The following BSDC1 variants were observed in gnomAD, a reference collection of about 807,000 sequenced individuals.
The protein encoded by BSDC1 is BSD domain containing 1.
A neutral mutation model predicts 56.0 loss-of-function variants in BSDC1; 29 were observed. The observed-to-expected ratio is 0.52, with a 90% confidence interval of 0.39 to 0.71. The LOEUF (loss-of-function observed/expected upper bound fraction) is 0.71. Among genes scored for constraint, BSDC1 ranks in the 30% least tolerant of loss-of-function variants. The pLI, the probability that BSDC1 is intolerant of heterozygous loss-of-function variation, is 0.00. For missense variants in BSDC1, 477 were observed against 548.5 expected, an observed-to-expected ratio of 0.87 and a Z score of 1.30; for synonymous variants, 210 against 215.3, an observed-to-expected ratio of 0.98 and a Z score of 0.21.
At chr1:32,388,564 A>G (rs1642750253) in intron 2 of BSDC1, among the ~76,000 whole-genome samples, 1 of 152,060 alleles carries the variant, frequency 6.6e-6, no homozygotes, top group South Asian at 2.1e-4. Flanking sequence ...GTCAGGGCAG[A>G]CCGTGCTGCT....
At chr1:32,369,210 A>T (rs1367926997) in intron 9 of BSDC1, 1 of 1,251,326 alleles carries the variant, frequency 8.0e-7, no homozygotes. Context: ...CATCCATGCC[A>T]AACAGCCTTA....
rs1326369843 is a variant in BSDC1 at position 32,365,330 on chromosome 1, G to A, written c.*1292C>T. The A allele has an allele frequency of 6.6e-6, 1 of 151,710 alleles. No individual in the cohort carries two copies. The highest frequency in any genetic ancestry group is 1.5e-5 in the Non-Finnish European group (1 of 67,910). The allele number at this position is 151,710 out of a possible 1,614,324, so 9.4% of individuals were successfully genotyped here. On this transcript the variant is annotated 3_prime_UTR_variant, in exon 11 of 11. Coordinates refer to ENST00000455895, the MANE Select transcript of BSDC1 (RefSeq NM_018045.8). The stretch of plus-strand genomic sequence containing the variant: ...CAACCAAAAGGTTAATTAAACTAAA[G>A]AAATAATTACAAAGAGAAAAACCCC...
intron 1 of BSDC1, 83 bp downstream of exon 1, chr1:32,394,321 G>A (rs1342998902): frequency 1.2e-6 from 2 of 1,605,488 alleles, no homozygotes; most frequent in Non-Finnish European, 1.7e-6. Context: ...CTGATCTCAC[G>A]TTCCCCACCG....
rs763475366 is a variant in BSDC1, at chr1:32,378,856, G to C, written c.413-17C>G. ...CCGGGGGCCCTGCAGAGGGACAGAT[G>C]CTGACGGTCAGTTGCCTTGGTCTGG... On this transcript the variant is annotated splice_polypyrimidine_tract_variant and intron_variant, in intron 5 of 10. Coordinates refer to ENST00000455895, the MANE Select transcript of BSDC1 (RefSeq NM_018045.8). This position sits in a 1 kb window ranked among gnomAD's most constrained non-coding sequence, Gnocchi z 5.2. 4.1e-6 allele frequency: 6 copies of C among 1,457,606 alleles called. No individual in the cohort carries two copies. Among genetic ancestry groups the C allele is most frequent in the Middle Eastern group, 1.8e-4 (1 of 5,576 alleles). The allele number at this position is 1,457,606 out of a possible 1,614,324, so 90.3% of individuals were successfully genotyped here.
chr1:32,388,006 A>G (rs548889582), intron 2 of BSDC1, among the ~76,000 whole-genome samples: 1 of 152,274 alleles, frequency 6.6e-6, no homozygotes, highest in Non-Finnish European at 1.5e-5. Flanking sequence ...TCTGTTTCTC[A>G]GCCTGCACCC....
At chr1:32,383,425 T>C (rs929552160) in intron 4 of BSDC1, among the ~76,000 whole-genome samples, 1 of 150,992 alleles carries the variant, frequency 6.6e-6, no homozygotes, top group African/African-American at 2.4e-5. Context: ...CAGAGAGAGC[T>C]TGGGTGACAG....
intron 3 of BSDC1, chr1:32,386,307 A>C (rs1642666651): frequency 7.0e-6 from 1 of 143,526 alleles, no homozygotes. Flanking sequence ...CGACAGATGG[A>C]GACTCCAACT....
At chr1:32,379,769 T>G (rs1017103951) in intron 5 of BSDC1, among the ~76,000 whole-genome samples, 6 of 152,184 alleles carry the variant, frequency 3.9e-5, no homozygotes, top group Non-Finnish European at 8.8e-5. Context: ...GTGTCTTTTA[T>G]ATGTACACTG....
rs529438972 is a variant in BSDC1, at chr1:32,385,452, C to G, written c.189+1327G>C. Among the ~76,000 whole-genome samples, 20 of 152,312 alleles carry G rather than the reference C, an allele frequency of 1.3e-4. No homozygotes were observed. The South Asian group carries it at 3.9e-3, about 30-fold the overall frequency. On this transcript the variant is annotated intron_variant, in intron 3 of 10. Coordinates refer to ENST00000455895, the MANE Select transcript of BSDC1 (RefSeq NM_018045.8). ...ATTAGAAAACAACAAACAAGCCAGG[C>G]ACGGTGGCTCATGCCTGTAATCCCA...
Position 32,378,116 on chromosome 1 carries a change from C to T in BSDC1, c.598-68G>A. The T allele has an allele frequency of 6.3e-7, 1 of 1,598,968 alleles. No homozygotes were observed. Among genetic ancestry groups the T allele is most frequent in the Non-Finnish European group, 8.6e-7 (1 of 1,169,460 alleles). The stretch of plus-strand genomic sequence containing the variant: ...CTCTTCCTAGACCCTGGTCCTGATC[C>T]CACAACTCTTGGCACCCTGTATCCC... On this transcript the variant is annotated intron_variant, in intron 7 of 10. Coordinates refer to ENST00000455895, the MANE Select transcript of BSDC1 (RefSeq NM_018045.8). The surrounding 1 kb of genome is among the most constrained non-coding windows in gnomAD (Gnocchi z 5.2).
intron 4 of BSDC1, among the ~76,000 whole-genome samples, chr1:32,381,473 G>A (rs1642475956): frequency 6.6e-6 from 1 of 152,176 alleles, no homozygotes; most frequent in Non-Finnish European, 1.5e-5. Context: ...CCAGAAAAAT[G>A]GCCTTTCACC....
intron 2 of BSDC1, among the ~76,000 whole-genome samples, chr1:32,393,020 C>T (rs748725973): frequency 1.2e-4 from 18 of 152,194 alleles, no homozygotes; most frequent in Non-Finnish European, 2.5e-4. Context: ...GCTGAGACCG[C>T]ACCTGTGCAC....
At position 32,376,745 on chromosome 1, in the gene BSDC1, TAGAG is replaced by T. The variant is rs1642302899; in HGVS notation, c.677-8_677-5del. 1 of 1,363,270 alleles carries T rather than the reference TAGAG, an allele frequency of 7.3e-7. No individual in the cohort carries two copies. Among genetic ancestry groups the T allele is most frequent in the Non-Finnish European group, 9.5e-7 (1 of 1,047,398 alleles). The allele number at this position is 1,363,270 out of a possible 1,614,324, so 84.4% of individuals were successfully genotyped here. A position where few individuals can be genotyped will look rare whatever the true frequency, so the allele number is the denominator to read the frequency against. On this transcript the variant is annotated splice_polypyrimidine_tract_variant and splice_region_variant and intron_variant, in intron 8 of 10. Transcript: ENST00000455895. ...GGTGAAATGCCCATGAGCTCCTCTG[TAGAG>T]AGAGAAAGGGAGGGGCAAGAGGGAA... is the stretch of plus-strand genomic sequence containing the variant.
chr1:32,370,813 A>G (rs1642053458), intron 9 of BSDC1, among the ~76,000 whole-genome samples: 1 of 150,504 alleles, frequency 6.6e-6, no homozygotes, highest in Admixed American at 6.6e-5. Context: ...CAAAAAAAAA[A>G]AAAAAAAAAA....
At chr1:32,386,940 A>G in intron 2 of BSDC1, 45 bp from the exon 3 acceptor site, 1 of 1,478,240 alleles carries the variant, frequency 6.8e-7, no homozygotes, top group South Asian at 1.1e-5. Context: ...TGGCCCCACC[A>G]CCCCTTGTTC....
chr1:32,366,470 G>C lies in BSDC1; in HGVS notation c.*152C>G. The stretch of plus-strand genomic sequence containing the variant: ...TTCCCAGGTGTGAGCAGAGGCCCAA[G>C]AGGGCCAGCAGGGAGCCACCAGAAT... On this transcript the variant is annotated 3_prime_UTR_variant, in exon 11 of 11. Transcript: ENST00000455895. 6.3e-6 allele frequency: 5 copies of C among 788,708 alleles called. No homozygotes were observed. The highest frequency in any genetic ancestry group is 1.1e-5 in the Non-Finnish European group (5 of 452,704). The allele number at this position is 788,708 out of a possible 1,614,324, so 48.9% of individuals were successfully genotyped here.
chr1:32,367,916 C>A, intron 10 of BSDC1: 1 of 1,019,370 alleles, frequency 9.8e-7, no homozygotes, highest in Non-Finnish European at 1.2e-6. Flanking sequence ...GTAACTTGCC[C>A]TTGCCCTTGA....
At chr1:32,381,121 C>G in intron 5 of BSDC1, 93 bp downstream of exon 5, 1 of 1,277,686 alleles carries the variant, frequency 7.8e-7, no homozygotes, top group Non-Finnish European at 1.1e-6. Context: ...AGGGGGTGCC[C>G]GGCCTCTGCT....
chr1:32,380,583 T>C (rs2148127147), intron 5 of BSDC1, among the ~76,000 whole-genome samples: 1 of 151,890 alleles, frequency 6.6e-6, no homozygotes, highest in Admixed American at 6.6e-5. Flanking sequence ...GAGGCGGAGG[T>C]TGCAGTGAGC....
Sources: allele counts gnomAD v4.1 joint callset (sites outside exome capture counted in the v4.1 genomes callset), GRCh38; gene constraint gnomAD v4.1.1; non-coding constraint Gnocchi (gnomAD v3.1); transcripts MANE v1.5; gene names NCBI Gene and HGNC (gene_info 2026-07-23, HGNC 2026-07-21).